The following LPAR1 variants were observed in gnomAD, a reference collection of about 807,000 sequenced individuals.
LPAR1 encodes lysophosphatidic acid receptor 1, also known as LPA receptor 1.
In LPAR1, 5 loss-of-function variants were observed where a neutral mutation model predicts 23.8. The observed-to-expected ratio is 0.21, with a 90% CI of 0.11 to 0.44. LPAR1 has a LOEUF of 0.44. Among genes scored for constraint, LPAR1 ranks in the 20% least tolerant of loss-of-function variants. The pLI, the probability that LPAR1 is intolerant of heterozygous loss-of-function variation, is 0.99. For synonymous variants in LPAR1, 160 were observed against 164.7 expected, an observed-to-expected ratio of 0.97 and a Z score of 0.22; for missense variants, 311 against 482.8, an observed-to-expected ratio of 0.64 and a Z score of 3.33.
At chr9:111,014,532 C>T (rs1017138551) in intron 2 of LPAR1, among the ~76,000 whole-genome samples, 1 of 152,044 alleles carries the variant, frequency 6.6e-6, no homozygotes, top group African/African-American at 2.4e-5. Flanking sequence ...TAACACTAGA[C>T]CCATCCTCTC....
At chr9:110,891,168 A>G (rs145044861) in intron 5 of LPAR1, among the ~76,000 whole-genome samples, 148 of 152,330 alleles carry the variant, frequency 9.7e-4, no homozygotes, top group African/African-American at 3.5e-3. Flanking sequence ...TAACTATTCA[A>G]TCAACTATTA....
chr9:110,985,619 C>T (rs892767426), intron 2 of LPAR1, among the ~76,000 whole-genome samples: 1 of 152,056 alleles, frequency 6.6e-6, no homozygotes, highest in Admixed American at 6.6e-5. Context: ...TATAAGTAAA[C>T]ACTGTCTTAA....
Position 110,925,688 on chromosome 9 carries a change from G to A in LPAR1, c.793+15733C>T, listed in dbSNP as rs376769885. 4.6e-5 allele frequency among the ~76,000 whole-genome samples: 7 copies of A among 152,266 alleles called. No homozygotes were observed. The East Asian group carries it at 1.4e-3, about 29-fold the overall frequency. The stretch of plus-strand genomic sequence containing the variant: ...CAGCTCCAACCACTAATCACAGCAG[G>A]CCACAGGTGGCCCTTTCATGTATGT... On this transcript the variant is annotated intron_variant, in intron 5 of 5. Coordinates refer to ENST00000683809, the MANE Select transcript of LPAR1 (RefSeq NM_001351411.2).
chr9:110,983,956 T>C (rs2139175048), intron 2 of LPAR1, among the ~76,000 whole-genome samples: 1 of 152,138 alleles, frequency 6.6e-6, no homozygotes, highest in Non-Finnish European at 1.5e-5. Context: ...CAAGCCACTT[T>C]TAATATTTTT....
At chr9:110,890,292 A>T (rs1291434052) in intron 5 of LPAR1, among the ~76,000 whole-genome samples, 2 of 152,182 alleles carry the variant, frequency 1.3e-5, no homozygotes, top group African/African-American at 4.8e-5. Flanking sequence ...TATAATCGTT[A>T]AAAAAGTTCC....
intron 5 of LPAR1, among the ~76,000 whole-genome samples, chr9:110,888,656 T>A (rs2083108162): frequency 6.6e-6 from 1 of 151,632 alleles, no homozygotes; most frequent in African/African-American, 2.4e-5. Context: ...GTAAGATACA[T>A]TTTAGAGGGG....
chr9:111,038,773 C>A, upstream of LPAR1: 1 of 352,108 alleles, frequency 2.8e-6, no homozygotes, highest in South Asian at 2.0e-5. This position sits in a 1 kb window ranked among gnomAD's most constrained non-coding sequence, Gnocchi z 4.4. Flanking sequence ...TTCATTATCT[C>A]AGCAGCCTCC....
At chr9:110,932,002 C>T (rs970074435) in intron 5 of LPAR1, among the ~76,000 whole-genome samples, 7 of 152,132 alleles carry the variant, frequency 4.6e-5, no homozygotes, top group Middle Eastern at 3.4e-3. Flanking sequence ...CTTGGCAATG[C>T]GGGAAGTTTT....
At chr9:111,008,075 A>C (rs142689648) in intron 2 of LPAR1, among the ~76,000 whole-genome samples, 4 of 151,932 alleles carry the variant, frequency 2.6e-5, no homozygotes, top group African/African-American at 9.7e-5. Flanking sequence ...TCGGTAGGCT[A>C]AGACAGGAGA....
chr9:110,931,382 A>C (rs753330564), intron 5 of LPAR1, among the ~76,000 whole-genome samples: 10 of 152,186 alleles, frequency 6.6e-5, no homozygotes, highest in Non-Finnish European at 1.3e-4. Context: ...CAGGATACAT[A>C]TTTTTGTTGA....
At chr9:110,902,699 A>C (rs1272894700) in intron 5 of LPAR1, among the ~76,000 whole-genome samples, 2 of 152,160 alleles carry the variant, frequency 1.3e-5, no homozygotes, top group Admixed American at 1.3e-4. Flanking sequence ...TCCAATGAGA[A>C]ACAGCAGGTG....
intron 2 of LPAR1, among the ~76,000 whole-genome samples, chr9:110,979,159 T>G (rs1301351923): frequency 6.6e-6 from 1 of 152,108 alleles, no homozygotes; most frequent in Non-Finnish European, 1.5e-5. Flanking sequence ...ACTTAACCAT[T>G]CCACAATATA....
intron 2 of LPAR1, among the ~76,000 whole-genome samples, chr9:110,993,081 T>C (rs977143362): frequency 6.6e-6 from 1 of 152,176 alleles, no homozygotes; most frequent in African/African-American, 2.4e-5. Context: ...TCTCCTTAAA[T>C]GGAAAACTCT....
chr9:110,896,594 AG>A (rs2086410040), intron 5 of LPAR1, among the ~76,000 whole-genome samples: 1 of 152,132 alleles, frequency 6.6e-6, no homozygotes, highest in South Asian at 2.1e-4. Flanking sequence ...TAAGTAGGCA[AG>A]AAAAACAAAG....
At chr9:110,919,882 T>C (rs1189017464) in intron 5 of LPAR1, among the ~76,000 whole-genome samples, 2 of 152,194 alleles carry the variant, frequency 1.3e-5, no homozygotes, top group Non-Finnish European at 2.9e-5. Context: ...TAGATTGTCA[T>C]AGTGACTCAG....
At chr9:111,038,825 C>A (rs367672649), upstream of LPAR1, 11 of 322,884 alleles carry the variant, frequency 3.4e-5, no homozygotes, top group East Asian at 9.6e-4. The surrounding 1 kb of genome is among the most constrained non-coding windows in gnomAD (Gnocchi z 4.4). Flanking sequence ...GCGGGAGACC[C>A]GTGGCCGCCA....
intron 2 of LPAR1, among the ~76,000 whole-genome samples, chr9:111,028,401 G>C (rs1012692878): frequency 1.3e-5 from 2 of 152,078 alleles, no homozygotes; most frequent in African/African-American, 2.4e-5. Flanking sequence ...AATCTTAAGT[G>C]ATGGAACTAC....
chr9:110,896,885 T>C (rs2086560506), intron 5 of LPAR1, among the ~76,000 whole-genome samples: 1 of 151,012 alleles, frequency 6.6e-6, no homozygotes, highest in African/African-American at 2.4e-5. Flanking sequence ...CCTCCCAGGT[T>C]CATGCCATTC....
chr9:110,908,203 T>A (rs1232010119), intron 5 of LPAR1, among the ~76,000 whole-genome samples: 1 of 151,404 alleles, frequency 6.6e-6, no homozygotes, highest in African/African-American at 2.4e-5. Context: ...AATATCTAAA[T>A]GTTTATAAAT....
Sources: gnomAD v4.1 joint callset for allele counts (sites outside exome capture counted in the v4.1 genomes callset) on GRCh38, gnomAD v4.1.1 for gene constraint, Gnocchi (gnomAD v3.1) non-coding constraint, MANE v1.5 for transcripts, NCBI Gene and HGNC (gene_info 2026-07-23, HGNC 2026-07-21) for gene names.